PRKD1: variants seen among roughly 807,000 people sequenced by gnomAD.
PRKD1 encodes protein kinase D1, also known as serine/threonine-protein kinase D1.
A neutral mutation model predicts 95.9 loss-of-function variants in PRKD1; 63 were observed. The observed-to-expected ratio is 0.66, with a 90% confidence interval of 0.54 to 0.81. PRKD1 has a LOEUF of 0.81. PRKD1 is among the 30% of genes least tolerant of loss of function. The probability of loss-of-function intolerance (pLI) is 0.00; values close to 1 mark genes in which losing one functional copy is unlikely to be tolerated. For missense variants in PRKD1, 1,048 were observed against 1,165.3 expected, an observed-to-expected ratio of 0.90 and a Z score of 1.47; for synonymous variants, 425 against 423.1, an observed-to-expected ratio of 1.00 and a Z score of -0.05.
intron 1 of PRKD1, among the ~76,000 whole-genome samples, chr14:29,726,392 G>A (rs1160940026): frequency 6.6e-6 from 1 of 152,114 alleles, no homozygotes; most frequent in Non-Finnish European, 1.5e-5. Flanking sequence ...CCCTTTTCTT[G>A]TAATGACTTT....
chr14:29,648,857 T>G (rs1881310230), intron 4 of PRKD1, among the ~76,000 whole-genome samples: 1 of 152,146 alleles, frequency 6.6e-6, no homozygotes, highest in Admixed American at 6.5e-5. Context: ...GGTTTCACCG[T>G]GTTAGCCAGG....
chr14:29,664,395 A>G (rs1242375668), intron 3 of PRKD1, among the ~76,000 whole-genome samples: 2 of 152,304 alleles, frequency 1.3e-5, no homozygotes, highest in South Asian at 4.1e-4. Context: ...TGGTTTCCAC[A>G]TGGTAGGTGA....
At chr14:29,680,898 G>A (rs1883504631) in intron 2 of PRKD1, among the ~76,000 whole-genome samples, 1 of 152,166 alleles carries the variant, frequency 6.6e-6, no homozygotes, top group Non-Finnish European at 1.5e-5. Flanking sequence ...AACACGCGGA[G>A]GAGGAGAACC....
At chr14:29,624,782 C>T (rs1879507517) in intron 12 of PRKD1, among the ~76,000 whole-genome samples, 1 of 152,046 alleles carries the variant, frequency 6.6e-6, no homozygotes, top group Non-Finnish European at 1.5e-5. Flanking sequence ...GTAAAGTATA[C>T]AAAATACCCT....
chr14:29,813,745 A>G (rs1890584342), intron 1 of PRKD1, among the ~76,000 whole-genome samples: 2 of 152,232 alleles, frequency 1.3e-5, no homozygotes, highest in Admixed American at 6.5e-5. Context: ...TGACCTGTTA[A>G]GTGAACACTG....
Position 29,761,783 on chromosome 14 carries a change from T to TC in PRKD1, c.265-36110_265-36109insG, listed in dbSNP as rs199742920. ...TGCTCTAACAGTGATGTTCTTTCTT[T>TC]TTTTTTTTTTTTTTTGAGACGCAAG... is the stretch of plus-strand genomic sequence containing the variant. On this transcript the variant is annotated intron_variant, in intron 1 of 17. Transcript: ENST00000331968. Among the ~76,000 whole-genome samples the TC allele has an allele frequency of 7.1e-3, 754 of 106,712 alleles. 1 individual carries two copies. Among genetic ancestry groups the TC allele is most frequent in the Non-Finnish European group, 0.011 (487 of 46,374 alleles). The allele number at this position is 106,712 out of a possible 152,430, so 70.0% of individuals were successfully genotyped here.
At chr14:29,661,557 A>G (rs1465424843) in intron 4 of PRKD1, among the ~76,000 whole-genome samples, 2 of 152,180 alleles carry the variant, frequency 1.3e-5, no homozygotes, top group Non-Finnish European at 2.9e-5. Context: ...GGCAACAGGG[A>G]AATATGTGTC....
intron 13 of PRKD1, among the ~76,000 whole-genome samples, chr14:29,609,535 CACAT>C (rs773917370): frequency 1.7e-3 from 247 of 144,012 alleles, no homozygotes; most frequent in East Asian, 8.6e-3. Context: ...CACACACACA[CACAT>C]ATATATATTT....
At chr14:29,685,073 C>A (rs925572554) in intron 2 of PRKD1, among the ~76,000 whole-genome samples, 8 of 152,156 alleles carry the variant, frequency 5.3e-5, no homozygotes, top group African/African-American at 1.7e-4. Context: ...CCCTCAGATT[C>A]CCTGGCTTAT....
chr14:29,882,930 C>T (rs1356117967), intron 1 of PRKD1, among the ~76,000 whole-genome samples: 1 of 152,134 alleles, frequency 6.6e-6, no homozygotes, highest in Non-Finnish European at 1.5e-5. Flanking sequence ...ACTTGGGTTG[C>T]TTCGACCCTT....
In PRKD1 at chr14:29,629,076, TACTC is replaced by T. The variant is rs1213705160; in HGVS notation, c.1686_1689del (p.Ser563PhefsTer46). 1.2e-6 allele frequency: 2 copies of T among 1,608,566 alleles called. No individual in the cohort carries two copies. Among genetic ancestry groups the T allele is most frequent in the Non-Finnish European group, 1.7e-6 (2 of 1,177,516 alleles). ...TGAATCTGGCAATTTGATACTGAAA[TACTC>T]ACAGAGATATCTCCTGGAAATGCAT... On this transcript the variant is annotated frameshift_variant, in exon 11 of 18. Transcript: ENST00000331968. LOFTEE classifies it high-confidence loss of function.
At chr14:29,644,942 T>A (rs1213453102) in intron 4 of PRKD1, among the ~76,000 whole-genome samples, 1 of 152,096 alleles carries the variant, frequency 6.6e-6, no homozygotes, top group Non-Finnish European at 1.5e-5. Context: ...TTACATGGAT[T>A]TCATTTATTT....
chr14:29,805,376 C>T (rs1594534589), intron 1 of PRKD1, among the ~76,000 whole-genome samples: 2 of 152,288 alleles, frequency 1.3e-5, no homozygotes, highest in Non-Finnish European at 1.5e-5. Context: ...AAAGGCAACA[C>T]TTAACTTACT....
In PRKD1 at chr14:29,899,201, T is replaced by A. The variant is rs180734590; in HGVS notation, c.264+28048A>T. Among the ~76,000 whole-genome samples the A allele has an allele frequency of 1.8e-4, 28 of 152,336 alleles. No homozygotes were observed. The East Asian group carries it at 4.4e-3, about 24-fold the overall frequency. On this transcript the variant is annotated intron_variant, in intron 1 of 17. Transcript: ENST00000331968. ...ACTACATCACATTTAGTTACATTTA[T>A]AAATAAGGTTAAACCATTTTTTCAT...
intron 1 of PRKD1, among the ~76,000 whole-genome samples, chr14:29,796,042 A>T (rs192086016): frequency 1.2e-4 from 19 of 152,268 alleles, no homozygotes; most frequent in African/African-American, 4.6e-4. Flanking sequence ...AATAACAGTG[A>T]TACACATATT....
At chr14:29,656,426 G>A in intron 4 of PRKD1, 1 of 1,483,504 alleles carries the variant, frequency 6.7e-7, no homozygotes, top group Non-Finnish European at 9.1e-7. Flanking sequence ...ATGCTGGTTT[G>A]AAAAAGACAG....
intron 2 of PRKD1, among the ~76,000 whole-genome samples, chr14:29,669,385 T>C (rs45524234): frequency 0.022 from 3,346 of 152,296 alleles, 111 homozygotes; most frequent in African/African-American, 0.071. Context: ...CCACATTGAA[T>C]TGATTAGTTC....
chr14:29,675,258 C>A lies in PRKD1; in HGVS notation c.404-9050G>T, dbSNP rs532660739. 3.3e-5 allele frequency among the ~76,000 whole-genome samples: 5 copies of A among 152,284 alleles called. No homozygotes were observed. The South Asian group carries it at 1.0e-3, about 32-fold the overall frequency. Reference sequence around the variant, plus strand: ...AAAATCTGATTTTCTGCTTTTCCATCAGGTTTATTGAGATAATAACTTATA... The same window carrying A: ...AAAATCTGATTTTCTGCTTTTCCATAAGGTTTATTGAGATAATAACTTATA... On this transcript the variant is annotated intron_variant, in intron 2 of 17. Transcript: ENST00000331968.
chr14:29,876,274 T>C (rs1431038856), intron 1 of PRKD1, among the ~76,000 whole-genome samples: 1 of 152,184 alleles, frequency 6.6e-6, no homozygotes, highest in Non-Finnish European at 1.5e-5. Context: ...TCCATTTATA[T>C]GTCATTTTTG....
Sources: gnomAD v4.1 joint callset for allele counts (sites outside exome capture counted in the v4.1 genomes callset) on GRCh38, gnomAD v4.1.1 for gene constraint, MANE v1.5 for transcripts, NCBI Gene and HGNC (gene_info 2026-07-23, HGNC 2026-07-21) for gene names.